Variants in CDK14 observed in about 807,000 individuals in gnomAD.
CDK14 encodes cyclin-dependent kinase 14.
Under a neutral mutation model 60.7 loss-of-function variants are expected in CDK14, and 34 were observed. That is an observed-to-expected ratio of 0.56 (90% CI 0.43 to 0.75). The LOEUF is 0.75. CDK14 is among the 30% of genes least tolerant of loss of function. CDK14 has a pLI of 0.00. For synonymous variants in CDK14, 197 were observed against 203.7 expected, an observed-to-expected ratio of 0.97 and a Z score of 0.28; for missense variants, 482 against 564.1, an observed-to-expected ratio of 0.85 and a Z score of 1.47.
intron 2 of CDK14, among the ~76,000 whole-genome samples, chr7:90,609,433 G>T (rs545183404): frequency 6.6e-6 from 1 of 152,124 alleles, no homozygotes; most frequent in Non-Finnish European, 1.5e-5. Flanking sequence ...ATTGGATTGT[G>T]GGGGTGGATC....
At chr7:91,024,709 G>A (rs928425151) in intron 10 of CDK14, among the ~76,000 whole-genome samples, 5 of 152,128 alleles carry the variant, frequency 3.3e-5, no homozygotes, top group Non-Finnish European at 7.4e-5. Context: ...TTCGGCAGCC[G>A]CACTCTAATC....
chr7:91,117,958 T>C, intron 13 of CDK14, 107 bp from the exon 14 acceptor site: 5 of 601,694 alleles, frequency 8.3e-6, no homozygotes, highest in South Asian at 7.0e-5. Flanking sequence ...TGATGTTCAG[T>C]GTGCTGGGCA....
At chr7:91,085,947 G>A (rs1411801848) in intron 12 of CDK14, among the ~76,000 whole-genome samples, 1 of 152,058 alleles carries the variant, frequency 6.6e-6, no homozygotes, top group Non-Finnish European at 1.5e-5. Flanking sequence ...GTGGTTCCAG[G>A]GCACTTAAAA....
At chr7:91,082,333 A>C (rs1390841262) in intron 12 of CDK14, among the ~76,000 whole-genome samples, 1 of 152,226 alleles carries the variant, frequency 6.6e-6, no homozygotes, top group African/African-American at 2.4e-5. Flanking sequence ...CCACTAAGTC[A>C]CAGAAGACAG....
chr7:90,951,922 G>T (rs1794274741), intron 8 of CDK14, among the ~76,000 whole-genome samples: 1 of 152,132 alleles, frequency 6.6e-6, no homozygotes, highest in Non-Finnish European at 1.5e-5. Context: ...AATCTTGGGA[G>T]AAATCATCTA....
chr7:90,766,463 A>G (rs1269903880), intron 4 of CDK14, among the ~76,000 whole-genome samples: 2 of 152,160 alleles, frequency 1.3e-5, no homozygotes, highest in African/African-American at 2.4e-5. Context: ...AGATAATACA[A>G]TTTCCCTTAT....
chr7:90,764,531 A>G (rs1183327480), intron 4 of CDK14, among the ~76,000 whole-genome samples: 1 of 152,176 alleles, frequency 6.6e-6, no homozygotes, highest in Non-Finnish European at 1.5e-5. Context: ...GAGAGATGGC[A>G]GGTACCTTAA....
At chr7:90,890,858 A>G (rs1792098977) in intron 6 of CDK14, among the ~76,000 whole-genome samples, 1 of 152,256 alleles carries the variant, frequency 6.6e-6, no homozygotes, top group Non-Finnish European at 1.5e-5. Flanking sequence ...AATAAATTAC[A>G]TGACTGTAAT....
chr7:90,711,643 G>A (rs150319773), intron 2 of CDK14, among the ~76,000 whole-genome samples: 1 of 152,158 alleles, frequency 6.6e-6, no homozygotes, highest in Admixed American at 6.6e-5. Context: ...TGTAAGACCT[G>A]CTGTAAAGGA....
chr7:90,844,848 C>T (rs1456362906), intron 5 of CDK14, among the ~76,000 whole-genome samples: 2 of 151,972 alleles, frequency 1.3e-5, no homozygotes, highest in Non-Finnish European at 2.9e-5. Flanking sequence ...CACAGTAAGT[C>T]CGGAGGAAAG....
chr7:90,816,550 T>C (rs746077955), intron 5 of CDK14, among the ~76,000 whole-genome samples: 7 of 152,182 alleles, frequency 4.6e-5, no homozygotes, highest in Non-Finnish European at 1.0e-4. Flanking sequence ...TTTGGGATGA[T>C]TGGTCAGGAG....
chr7:91,042,216 G>A (rs777318388), intron 10 of CDK14, among the ~76,000 whole-genome samples: 6 of 152,102 alleles, frequency 3.9e-5, no homozygotes, highest in Non-Finnish European at 7.4e-5. Flanking sequence ...GTGTTAATTT[G>A]GAGAGCTGAA....
intron 7 of CDK14, among the ~76,000 whole-genome samples, chr7:90,904,069 T>G (rs1381959040): frequency 6.6e-6 from 1 of 152,004 alleles, no homozygotes; most frequent in African/African-American, 2.4e-5. Context: ...CCATTGCTCC[T>G]CAGTCTGCCA....
intron 5 of CDK14, among the ~76,000 whole-genome samples, 166 bp from the exon 6 acceptor site, chr7:90,863,009 A>G (rs1428144208): frequency 6.6e-6 from 1 of 152,152 alleles, no homozygotes; most frequent in East Asian, 1.9e-4. Flanking sequence ...GTGAGACCCC[A>G]TCTCAAAAAA....
chr7:90,628,557 A>G (rs10262983), intron 2 of CDK14, among the ~76,000 whole-genome samples: 129,677 of 152,074 alleles, frequency 0.85, 55,398 homozygotes, highest in East Asian at 1. Flanking sequence ...ATAGTGGCTC[A>G]TGCCTGTAAT....
At chr7:91,017,894 GCAAACC>G (rs1336460920) in intron 10 of CDK14, among the ~76,000 whole-genome samples, 1 of 152,162 alleles carries the variant, frequency 6.6e-6, no homozygotes, top group African/African-American at 2.4e-5. Context: ...AAAATGGGCT[GCAAACC>G]AGCTTCATCC....
At chr7:91,086,064 T>C (rs534634593) in intron 12 of CDK14, among the ~76,000 whole-genome samples, 1 of 152,330 alleles carries the variant, frequency 6.6e-6, no homozygotes, top group South Asian at 2.1e-4. Flanking sequence ...GGTGACACAA[T>C]TCTAGATCAT....
At chr7:90,835,909 C>T (rs1790079096) in intron 5 of CDK14, among the ~76,000 whole-genome samples, 1 of 152,138 alleles carries the variant, frequency 6.6e-6, no homozygotes, top group Admixed American at 6.5e-5. Flanking sequence ...GCATGTTTTC[C>T]TATTGAATAC....
At chr7:91,058,619 G>A (rs1797665211) in intron 11 of CDK14, among the ~76,000 whole-genome samples, 1 of 152,320 alleles carries the variant, frequency 6.6e-6, no homozygotes, top group East Asian at 1.9e-4. Context: ...CATGAAGGTT[G>A]TTGAATTTTG....
Sources: allele counts gnomAD v4.1 joint callset (sites outside exome capture counted in the v4.1 genomes callset), GRCh38; gene constraint gnomAD v4.1.1; transcripts MANE v1.5; gene names NCBI Gene and HGNC (gene_info 2026-07-23, HGNC 2026-07-21).